FAM118B: variants seen among roughly 807,000 people sequenced by gnomAD.
FAM118B encodes the protein SIR2 antiphage like 1, also known as protein FAM118B.
FAM118B carries 24 observed loss-of-function variants against 38.5 expected under a neutral mutation model. The ratio of observed to expected loss-of-function variants is 0.62; its 90% CI spans 0.45 to 0.88. FAM118B has a LOEUF of 0.88. Among genes scored for constraint, FAM118B ranks in the 40% least tolerant of loss-of-function variants. The pLI, the probability that FAM118B is intolerant of heterozygous loss-of-function variation, is 0.00. For missense variants in FAM118B, 334 were observed against 420.0 expected (o/e 0.80, Z 1.79); for synonymous variants, 138 against 156.3 (o/e 0.88, Z 0.87).
intron 4 of FAM118B, among the ~76,000 whole-genome samples, chr11:126,245,865 G>A (rs4937111): frequency 0.055 from 8,376 of 151,738 alleles, 367 homozygotes; most frequent in East Asian, 0.18. Context: ...GCGTGGTGGC[G>A]CATGCCTGTA....
At chr11:126,236,765 T>C (rs1591513383) in intron 3 of FAM118B, among the ~76,000 whole-genome samples, 1 of 152,056 alleles carries the variant, frequency 6.6e-6, no homozygotes, top group Admixed American at 6.6e-5. Context: ...CTTTATTTTT[T>C]TCCCCCCCAT....
chr11:126,261,357 GT>G, intron 7 of FAM118B, 67 bp from the exon 8 acceptor site: 1 of 1,338,818 alleles, frequency 7.5e-7, no homozygotes, highest in Admixed American at 1.7e-5. Flanking sequence ...TCTCCCTTTA[GT>G]TTTCTTTTTG....
Position 126,250,991 on chromosome 11 carries a change from T to A in FAM118B, c.567+258T>A, listed in dbSNP as rs1314459799. Reference sequence around the variant, plus strand: ...AGTTTTAAAGCAAGATTAGAGGAAGTCACTTGAACTGTAAGATCTCTTTAG... The same window carrying A: ...AGTTTTAAAGCAAGATTAGAGGAAGACACTTGAACTGTAAGATCTCTTTAG... On this transcript the variant is annotated intron_variant, in intron 5 of 8. Transcript: ENST00000533050. The surrounding 1 kb of genome is among the most constrained non-coding windows in gnomAD (Gnocchi z 5.1). Among the ~76,000 whole-genome samples, 1 of 152,258 alleles carries A rather than the reference T, an allele frequency of 6.6e-6. No individual in the cohort carries two copies. Among genetic ancestry groups the A allele is most frequent in the Non-Finnish European group, 1.5e-5 (1 of 68,050 alleles).
At position 126,247,857 on chromosome 11, in the gene FAM118B, CA is replaced by C. The variant is rs35290990; in HGVS notation, c.340-2639del. ...TGGGTGACAGATCGAGACTCCATCT[CA>C]AAAAAAAAATATATATATATATCTA... is the stretch of plus-strand genomic sequence containing the variant. On this transcript the variant is annotated intron_variant, in intron 4 of 8. Coordinates refer to ENST00000533050, the MANE Select transcript of FAM118B (RefSeq NM_024556.4). Among the ~76,000 whole-genome samples the C allele has an allele frequency of 6.5e-4, 81 of 125,012 alleles. 1 individual carries two copies. The highest frequency in any genetic ancestry group is 2.0e-3 in the African/African-American group (66 of 33,004). 82.0% of individuals were successfully genotyped at this position (125,012 alleles called of 152,430 possible).
intron 3 of FAM118B, among the ~76,000 whole-genome samples, chr11:126,236,619 C>T (rs1233377735): frequency 1.3e-5 from 2 of 152,198 alleles, no homozygotes; most frequent in African/African-American, 2.4e-5. Context: ...CTAGTACCTT[C>T]ACTTTGGAGA....
At position 126,211,783 on chromosome 11, in the gene FAM118B, C is replaced by A; in HGVS notation, c.-124C>A. 1.2e-6 allele frequency: 1 copy of A among 868,360 alleles called. No individual in the cohort carries two copies. The highest frequency in any genetic ancestry group is 1.7e-5 in the South Asian group (1 of 59,578). The allele number at this position is 868,360 out of a possible 1,614,324, so 53.8% of individuals were successfully genotyped here. A position where few individuals can be genotyped will look rare whatever the true frequency, so the allele number is the denominator to read the frequency against. ...GGACGGTGCGCGCTCAGTGCGGCTG[C>A]GCCGGCCGGTAGCTGCAGCTGGAGC... On this transcript the variant is annotated 5_prime_UTR_variant, in exon 1 of 9. Transcript: ENST00000533050.
At position 126,262,658 on chromosome 11, in the gene FAM118B, C is replaced by G. The variant is rs1443807144; in HGVS notation, c.*525C>G. The G allele has an allele frequency of 6.5e-6, 1 of 152,928 alleles. No individual in the cohort carries two copies. 9.5% of individuals were successfully genotyped at this position (152,928 alleles called of 1,614,324 possible). ...AGCTTGTTCATTTACTTGCCAGGAC[C>G]CTGGCTCTACTTTTAGAGTCATTGT... On this transcript the variant is annotated 3_prime_UTR_variant, in exon 9 of 9. Transcript: ENST00000533050.
At chr11:126,240,662 C>G in intron 3 of FAM118B, 130 bp from the exon 4 acceptor site, 1 of 932,002 alleles carries the variant, frequency 1.1e-6, no homozygotes, top group Non-Finnish European at 1.6e-6. Flanking sequence ...GGAAAGGTGT[C>G]AAAAACTGCT....
At chr11:126,220,346 GCTTT>G (rs1950048038) in intron 1 of FAM118B, among the ~76,000 whole-genome samples, 1 of 151,864 alleles carries the variant, frequency 6.6e-6, no homozygotes, top group South Asian at 2.1e-4. Context: ...TCCCTAACCT[GCTTT>G]CTGTTTTCTC....
intron 4 of FAM118B, among the ~76,000 whole-genome samples, chr11:126,243,456 C>G (rs1042991386): frequency 1.3e-5 from 2 of 149,462 alleles, no homozygotes; most frequent in Non-Finnish European, 3.0e-5. Flanking sequence ...AGAGCAAGAC[C>G]CTGTCTGCCT....
intron 3 of FAM118B, among the ~76,000 whole-genome samples, chr11:126,238,153 G>T (rs558261909): frequency 6.6e-6 from 1 of 152,250 alleles, no homozygotes; most frequent in South Asian, 2.1e-4. Context: ...CTTGAGGTCA[G>T]GAGTTTGAGA....
At position 126,240,731 on chromosome 11, in the gene FAM118B, C is replaced by CT. The variant is rs1950344915; in HGVS notation, c.87-58dup. 4.7e-6 allele frequency: 7 copies of CT among 1,484,446 alleles called. No individual in the cohort carries two copies. The South Asian group carries it at 9.9e-5, about 21-fold the overall frequency. 92.0% of individuals were successfully genotyped at this position (1,484,446 alleles called of 1,614,324 possible). A position where few individuals can be genotyped will look rare whatever the true frequency, so the allele number is the denominator to read the frequency against. On this transcript the variant is annotated intron_variant, in intron 3 of 8. Coordinates refer to ENST00000533050, the MANE Select transcript of FAM118B (RefSeq NM_024556.4). ...AAAACTGTAACCTGAGTCAGACAGT[C>CT]TTTCTGTGTGCCTCATATCTATTGG...
intron 7 of FAM118B, chr11:126,261,122 T>C (rs1591533511): frequency 3.1e-6 from 1 of 321,316 alleles, no homozygotes; most frequent in Non-Finnish European, 5.9e-6. Flanking sequence ...CTCTAGACTG[T>C]TTAGGGACAG....
chr11:126,247,592 G>A (rs957193766), intron 4 of FAM118B, among the ~76,000 whole-genome samples: 2 of 152,046 alleles, frequency 1.3e-5, no homozygotes, highest in Admixed American at 1.3e-4. Context: ...CAGCGCGGTG[G>A]CTCACGCCTG....
chr11:126,241,082 C>T, intron 4 of FAM118B, 38 bp downstream of exon 4: 2 of 1,514,876 alleles, frequency 1.3e-6, no homozygotes, highest in East Asian at 4.5e-5. Flanking sequence ...TTTGGAATTT[C>T]CTAAAATTTA....
chr11:126,234,603 T>C (rs1211602783), intron 2 of FAM118B, among the ~76,000 whole-genome samples: 1 of 152,220 alleles, frequency 6.6e-6, no homozygotes, highest in African/African-American at 2.4e-5. Flanking sequence ...AATACACTTA[T>C]CTATGGGTGG....
At chr11:126,221,625 C>G (rs1950063621) in intron 1 of FAM118B, among the ~76,000 whole-genome samples, 1 of 151,794 alleles carries the variant, frequency 6.6e-6, no homozygotes, top group South Asian at 2.1e-4. Context: ...CTGAAGGTAG[C>G]GTTTTGGGAG....
rs1029030596 is a variant in FAM118B, at chr11:126,252,890, C to G, written c.568-1415C>G. On this transcript the variant is annotated intron_variant, in intron 5 of 8. Transcript: ENST00000533050. This position sits in a 1 kb window ranked among gnomAD's most constrained non-coding sequence, Gnocchi z 4.7. ...TCTTTACTAAGAATACAAAAACTAG[C>G]TGGGAGTGGTGGTGCACGCCTGTAA... 2.0e-5 allele frequency among the ~76,000 whole-genome samples: 3 copies of G among 152,094 alleles called. No individual in the cohort carries two copies. Among genetic ancestry groups the G allele is most frequent in the Non-Finnish European group, 4.4e-5 (3 of 68,006 alleles).
intron 7 of FAM118B, among the ~76,000 whole-genome samples, chr11:126,259,040 C>A (rs970039759): frequency 6.6e-6 from 1 of 152,152 alleles, no homozygotes; most frequent in Admixed American, 6.5e-5. Flanking sequence ...TAAACAAAAT[C>A]AAGGATTTTC....
Sources: gnomAD v4.1 joint callset for allele counts (sites outside exome capture counted in the v4.1 genomes callset) on GRCh38, gnomAD v4.1.1 for gene constraint, Gnocchi (gnomAD v3.1) non-coding constraint, MANE v1.5 for transcripts, NCBI Gene and HGNC (gene_info 2026-07-23, HGNC 2026-07-21) for gene names.